The following AGO2 variants were observed in gnomAD, a reference collection of about 807,000 sequenced individuals.
AGO2 encodes the protein protein argonaute-2.
Under a neutral mutation model 102.3 loss-of-function variants are expected in AGO2, and 5 were observed. That is an observed-to-expected ratio of 0.05 (90% CI 0.03 to 0.10). The LOEUF (loss-of-function observed/expected upper bound fraction) is 0.10. Among genes scored for constraint, AGO2 ranks in the 10% least tolerant of loss-of-function variants. AGO2 has a pLI of 1.00. For missense variants in AGO2, 541 were observed against 1,183.7 expected (o/e 0.46, Z 7.97); for synonymous variants, 449 against 473.1 (o/e 0.95, Z 0.66).
At chr8:140,546,342 T>C (rs552773549) in intron 13 of AGO2, among the ~76,000 whole-genome samples, 1 of 152,372 alleles carries the variant, frequency 6.6e-6, no homozygotes, top group South Asian at 2.1e-4. Flanking sequence ...GCATCGGCAC[T>C]GTGTCCGTCC....
At chr8:140,582,422 A>G (rs2073571461) in intron 2 of AGO2, among the ~76,000 whole-genome samples, 1 of 152,232 alleles carries the variant, frequency 6.6e-6, no homozygotes, top group South Asian at 2.1e-4. Context: ...TCAGATCTGC[A>G]ATGCTCAACT....
Position 140,557,265 on chromosome 8 carries a change from AG to A in AGO2, c.879-30del. ...AGGAGCAAAGGGGCTGTTCAGGCCG[AG>A]GGCATCCCGGAGCCCCTTCCCCTGC... On this transcript the variant is annotated intron_variant, in intron 7 of 18. Coordinates refer to ENST00000220592, the MANE Select transcript of AGO2 (RefSeq NM_012154.5). The surrounding 1 kb of genome is among the most constrained non-coding windows in gnomAD (Gnocchi z 5.9). 6.3e-7 allele frequency: 1 copy of A among 1,590,598 alleles called. No homozygotes were observed.
At chr8:140,538,354 C>G (rs2072733621) in intron 16 of AGO2, among the ~76,000 whole-genome samples, 1 of 152,232 alleles carries the variant, frequency 6.6e-6, no homozygotes. Context: ...CCAAGGCCTC[C>G]TTTCTGGGCA....
intron 1 of AGO2, 152 bp from the exon 2 acceptor site, chr8:140,585,463 G>A (rs1564101222): frequency 1.8e-5 from 14 of 789,294 alleles, no homozygotes; most frequent in South Asian, 3.9e-5. Flanking sequence ...GCGTCTCAAC[G>A]TCAAGCCAAT....
intron 1 of AGO2, among the ~76,000 whole-genome samples, chr8:140,626,142 C>T (rs1268938988): frequency 6.6e-6 from 1 of 152,052 alleles, no homozygotes; most frequent in African/African-American, 2.4e-5. Context: ...GGCGCCCTTT[C>T]GGCGTCGCTC....
the AGO2 span, among the ~76,000 whole-genome samples, chr8:140,641,202 A>T: frequency 3.3e-5 from 5 of 151,972 alleles, no homozygotes; most frequent in Admixed American, 1.3e-4. Context: ...AAGGTAGGAG[A>T]TCACCTAAGC....
intron 8 of AGO2, among the ~76,000 whole-genome samples, chr8:140,556,852 T>A (rs2073104106): frequency 1.3e-5 from 2 of 152,110 alleles, no homozygotes; most frequent in South Asian, 4.1e-4. Context: ...CTGGACACGT[T>A]ACACACAACC....
intron 17 of AGO2, among the ~76,000 whole-genome samples, chr8:140,535,073 C>T (rs990021470): frequency 2.6e-5 from 4 of 152,214 alleles, no homozygotes; most frequent in African/African-American, 7.2e-5. Flanking sequence ...GCTCGTGAAT[C>T]GACGCCAAGT....
intron 14 of AGO2, among the ~76,000 whole-genome samples, chr8:140,543,572 C>T (rs1478097439): frequency 6.6e-6 from 1 of 152,226 alleles, no homozygotes; most frequent in Non-Finnish European, 1.5e-5. Context: ...CCTCTCACCT[C>T]AGCCTCCTAG....
upstream of AGO2, chr8:140,636,327 A>G (rs1199229379): frequency 6.6e-6 from 1 of 152,260 alleles, no homozygotes; most frequent in Non-Finnish European, 1.5e-5. Flanking sequence ...ATCAGCGGAC[A>G]CGCCCATTCC....
intron 2 of AGO2, among the ~76,000 whole-genome samples, chr8:140,583,873 A>G (rs1169152796): frequency 6.6e-6 from 1 of 152,188 alleles, no homozygotes; most frequent in Non-Finnish European, 1.5e-5. Flanking sequence ...TCCATCTCAA[A>G]AGAAAAAATA....
At position 140,585,224 on chromosome 8, in the gene AGO2, G is replaced by T. The variant is rs1232604734; in HGVS notation, c.110C>A (p.Thr37Lys). The part of the protein sequence containing the change: ...PRPDFGTSGR[T>K]IKLQANFFEM... ...GAAGAAATTGGCCTGTAATTTGATT[G>T]TTCTCCCGGAGGTCCCAAAGTCGGG... Residue 37 changes from threonine (T) to lysine (K), a missense_variant, in exon 2 of 19, where the codon ACA becomes AAA. Physicochemically the swap from Thr to Lys is moderately conservative, Grantham distance 78. Around this residue, in one of 6 missense-constraint regions of AGO2, gnomAD observed 147 missense variants for 204.1 expected, o/e 0.72. Coordinates refer to ENST00000220592, the MANE Select transcript of AGO2 (RefSeq NM_012154.5). 6.2e-7 allele frequency: 1 copy of T among 1,614,172 alleles called. No homozygotes were observed. Among genetic ancestry groups the T allele is most frequent in the South Asian group, 1.1e-5 (1 of 91,082 alleles).
At position 140,527,983 on chromosome 8, in the gene AGO2, G is replaced by C. The variant is rs2072532916; in HGVS notation, c.*4061C>G. On this transcript the variant is annotated 3_prime_UTR_variant, in exon 19 of 19. Coordinates refer to ENST00000220592, the MANE Select transcript of AGO2 (RefSeq NM_012154.5). The surrounding 1 kb of genome is among the most constrained non-coding windows in gnomAD (Gnocchi z 6.0). ...GCCACGGGCCACCCCAGCCCCAAAG[G>C]CCTCCTGGGGACACTCCGGTGTCCC... is the stretch of plus-strand genomic sequence containing the variant. The C allele has an allele frequency of 6.6e-6, 1 of 152,268 alleles. No individual in the cohort carries two copies. Among genetic ancestry groups the C allele is most frequent in the Non-Finnish European group, 1.5e-5 (1 of 68,060 alleles). 9.4% of individuals were successfully genotyped at this position (152,268 alleles called of 1,614,324 possible).
chr8:140,605,292 T>C (rs1008548148), intron 1 of AGO2, among the ~76,000 whole-genome samples: 7 of 152,178 alleles, frequency 4.6e-5, no homozygotes, highest in African/African-American at 1.7e-4. Context: ...AGACAGGGTT[T>C]CACCATGTTG....
rs543182078 is a variant in AGO2, at chr8:140,531,934, C to T, written c.*110G>A. ...ACGGAGAATCTAATAAAATCAATGACGTCTCATGTTCGATGCTGGCTGTCA... is the reference window on the plus strand; with the variant it reads ...ACGGAGAATCTAATAAAATCAATGATGTCTCATGTTCGATGCTGGCTGTCA... On this transcript the variant is annotated 3_prime_UTR_variant, in exon 19 of 19. Transcript: ENST00000220592. The T allele has an allele frequency of 1.8e-5, 16 of 903,810 alleles. No individual in the cohort carries two copies. Among genetic ancestry groups the T allele is most frequent in the African/African-American group, 3.3e-5 (2 of 60,930 alleles). The allele number at this position is 903,810 out of a possible 1,614,324, so 56.0% of individuals were successfully genotyped here.
At chr8:140,549,584 C>T (rs979249151) in intron 11 of AGO2, among the ~76,000 whole-genome samples, 2 of 152,258 alleles carry the variant, frequency 1.3e-5, no homozygotes, top group Non-Finnish European at 2.9e-5. Flanking sequence ...GCCTTTAAAC[C>T]GCGCTCACGC....
chr8:140,606,732 T>A (rs965473806), intron 1 of AGO2, among the ~76,000 whole-genome samples: 10 of 151,054 alleles, frequency 6.6e-5, no homozygotes, highest in Non-Finnish European at 1.5e-4. Flanking sequence ...AGGTCAGGAG[T>A]TGGAGACCAG....
In AGO2 at chr8:140,558,587, C is replaced by A; in HGVS notation, c.791-15G>T. The A allele has an allele frequency of 1.2e-6, 2 of 1,613,860 alleles. No individual in the cohort carries two copies. Among genetic ancestry groups the A allele is most frequent in the Non-Finnish European group, 1.7e-6 (2 of 1,179,716 alleles). ...CACCTTTAGACCTGGGGACACAGAA[C>A]ACAGGCATCGGCATCGGGGCTGTCC... On this transcript the variant is annotated splice_polypyrimidine_tract_variant and intron_variant, in intron 6 of 18. Coordinates refer to ENST00000220592, the MANE Select transcript of AGO2 (RefSeq NM_012154.5).
intron 1 of AGO2, among the ~76,000 whole-genome samples, chr8:140,617,684 A>G (rs373120797): frequency 5.9e-5 from 9 of 151,788 alleles, no homozygotes; most frequent in African/African-American, 1.9e-4. Flanking sequence ...ACAGGAGCCC[A>G]CCCTCTGATC....
Sources: gnomAD v4.1 joint callset for allele counts (sites outside exome capture counted in the v4.1 genomes callset) on GRCh38, gnomAD v4.1.1 for gene constraint, gnomAD v4.1.1 regional missense constraint, Gnocchi (gnomAD v3.1) non-coding constraint, MANE v1.5 for transcripts, NCBI Gene and HGNC (gene_info 2026-07-23, HGNC 2026-07-21) for gene names.